Variants in DPF3 observed in about 807,000 individuals in gnomAD.
DPF3 encodes double PHD fingers 3, also known as zinc finger protein DPF3.
A neutral mutation model predicts 56.8 loss-of-function variants in DPF3; 18 were observed. That is an observed-to-expected ratio of 0.32 (90% CI 0.22 to 0.47). The LOEUF (loss-of-function observed/expected upper bound fraction) is 0.47. DPF3 is among the 20% of genes least tolerant of loss of function. DPF3 has a pLI of 1.00. For synonymous variants in DPF3, 188 were observed against 180.2 expected (o/e 1.04, Z -0.35); for missense variants, 403 against 488.8 (o/e 0.82, Z 1.65).
chr14:72,688,026 CTG>C (rs1887486344), intron 7 of DPF3, among the ~76,000 whole-genome samples: 4 of 151,820 alleles, frequency 2.6e-5, no homozygotes, highest in South Asian at 4.2e-4. Flanking sequence ...CCACTCAAGA[CTG>C]TGAGCTCAAA....
At chr14:72,754,151 C>T (rs116996416) in intron 2 of DPF3, among the ~76,000 whole-genome samples, 2,455 of 152,262 alleles carry the variant, frequency 0.016, 25 homozygotes, top group Non-Finnish European at 0.028. Context: ...TTGTGTGTGG[C>T]TCTGGTGGCA....
At chr14:72,735,826 G>T (rs902630915) in intron 3 of DPF3, among the ~76,000 whole-genome samples, 5 of 152,094 alleles carry the variant, frequency 3.3e-5, no homozygotes, top group Non-Finnish European at 7.4e-5. Context: ...CAGTGTTGGC[G>T]AATCAAACAT....
intron 1 of DPF3, among the ~76,000 whole-genome samples, chr14:72,832,544 C>T (rs1339441388): frequency 6.6e-6 from 1 of 152,180 alleles, no homozygotes; most frequent in Non-Finnish European, 1.5e-5. Context: ...TCTGGTCACA[C>T]CATGTATCCT....
At chr14:72,716,921 G>GC (rs1567210104) in intron 5 of DPF3, among the ~76,000 whole-genome samples, 1 of 152,032 alleles carries the variant, frequency 6.6e-6, no homozygotes, top group African/African-American at 2.4e-5. Flanking sequence ...CCTCCACATT[G>GC]CCCCCCTAGT....
chr14:72,670,097 G>C, intron 8 of DPF3: 1 of 985,696 alleles, frequency 1.0e-6, no homozygotes, highest in East Asian at 1.1e-4. Flanking sequence ...GTGCCTGGCA[G>C]GCACTATAAA....
At chr14:72,800,773 A>G (rs61986309) in intron 1 of DPF3, among the ~76,000 whole-genome samples, 3 of 5,388 alleles carry the variant, frequency 5.6e-4, no homozygotes, top group African/African-American at 8.0e-4. Context: ...TGGATGCATG[A>G]GTGGATGCAT....
At chr14:72,854,376 GA>G (rs915311303) in intron 1 of DPF3, among the ~76,000 whole-genome samples, 1 of 151,862 alleles carries the variant, frequency 6.6e-6, no homozygotes. Flanking sequence ...CAAAAAAAAA[GA>G]AAAAACAAAT....
chr14:72,670,971 G>C, intron 8 of DPF3: 2 of 616,088 alleles, frequency 3.2e-6, no homozygotes, highest in Admixed American at 3.3e-5. Flanking sequence ...AAACAGAGGG[G>C]TGGGGGGAGG....
At chr14:72,643,603 C>T (rs1885625475) in intron 8 of DPF3, among the ~76,000 whole-genome samples, 1 of 152,202 alleles carries the variant, frequency 6.6e-6, no homozygotes, top group African/African-American at 2.4e-5. Context: ...AGGGGTCATG[C>T]CCCCCGCCAC....
chr14:72,682,793 A>G (rs1467031897), intron 7 of DPF3, among the ~76,000 whole-genome samples: 2 of 152,206 alleles, frequency 1.3e-5, no homozygotes, highest in African/African-American at 4.8e-5. Context: ...CTCCAAAAGC[A>G]GGCCGGGAAG....
intron 8 of DPF3, chr14:72,671,401 T>C: frequency 6.3e-7 from 1 of 1,587,784 alleles, no homozygotes; most frequent in East Asian, 2.2e-5. Flanking sequence ...ATTAATATTC[T>C]CATTACATTA....
chr14:72,661,729 T>C, intron 8 of DPF3: 1 of 985,492 alleles, frequency 1.0e-6, no homozygotes, highest in Non-Finnish European at 1.2e-6. Context: ...TTCCTAGCCC[T>C]TGGGGACAGC....
chr14:72,842,242 G>T (rs1037154110), intron 1 of DPF3, among the ~76,000 whole-genome samples: 1 of 152,050 alleles, frequency 6.6e-6, no homozygotes, highest in Non-Finnish European at 1.5e-5. Flanking sequence ...CCCCTGCAAG[G>T]TGTATATACT....
At chr14:72,786,299 G>A (rs962213174) in intron 1 of DPF3, among the ~76,000 whole-genome samples, 1 of 152,082 alleles carries the variant, frequency 6.6e-6, no homozygotes. Context: ...TAACCACAGA[G>A]GTGAGGTGAC....
At chr14:72,700,385 C>T (rs1888106653) in intron 6 of DPF3, among the ~76,000 whole-genome samples, 1 of 152,174 alleles carries the variant, frequency 6.6e-6, no homozygotes, top group African/African-American at 2.4e-5. Flanking sequence ...TTTCATTTTG[C>T]AGTGGACCCT....
chr14:72,833,293 C>A (rs1474332275), intron 1 of DPF3, among the ~76,000 whole-genome samples: 1 of 152,186 alleles, frequency 6.6e-6, no homozygotes, highest in Non-Finnish European at 1.5e-5. Flanking sequence ...CAGATGACGT[C>A]TAGCTTGGCC....
intron 3 of DPF3, among the ~76,000 whole-genome samples, chr14:72,751,201 T>A (rs1036207761): frequency 2.0e-5 from 3 of 151,912 alleles, no homozygotes; most frequent in Non-Finnish European, 4.4e-5. Context: ...TAAACAAAAA[T>A]TAAAAAATAA....
chr14:72,784,791 T>C (rs1030729779), intron 1 of DPF3, among the ~76,000 whole-genome samples: 8 of 151,962 alleles, frequency 5.3e-5, no homozygotes, highest in African/African-American at 1.9e-4. Context: ...AAACCGTCTC[T>C]ACTAAAACTA....
chr14:72,619,236 G>T lies in DPF3; in HGVS notation c.*61C>A. On this transcript the variant is annotated 3_prime_UTR_variant, in exon 11 of 11. Coordinates refer to ENST00000556509, the MANE Select transcript of DPF3 (RefSeq NM_001280542.3). The stretch of plus-strand genomic sequence containing the variant: ...ATATGTGGGAGGAGGGCGCGTTCTG[G>T]TTTGAACTGGGCTCTGCTTTAGGAT... 1 of 1,508,496 alleles carries T rather than the reference G, an allele frequency of 6.6e-7. No homozygotes were observed. The highest frequency in any genetic ancestry group is 8.9e-7 in the Non-Finnish European group (1 of 1,125,332). 93.4% of individuals were successfully genotyped at this position (1,508,496 alleles called of 1,614,324 possible).
Sources: allele counts gnomAD v4.1 joint callset (sites outside exome capture counted in the v4.1 genomes callset), GRCh38; gene constraint gnomAD v4.1.1; transcripts MANE v1.5; gene names NCBI Gene and HGNC (gene_info 2026-07-23, HGNC 2026-07-21).